The following MACROD2 variants were observed in gnomAD, a reference collection of about 807,000 sequenced individuals.
MACROD2 encodes ADP-ribose glycohydrolase MACROD2.
In MACROD2, 36 loss-of-function variants were observed where a neutral mutation model predicts 70.4. The observed-to-expected ratio is 0.51, with a 90% CI of 0.39 to 0.68. The LOEUF is 0.68. MACROD2 is among the 30% of genes least tolerant of loss of function. The pLI is 0.00. For synonymous variants in MACROD2, 172 were observed against 178.8 expected, an observed-to-expected ratio of 0.96 and a Z score of 0.30; for missense variants, 496 against 538.4, an observed-to-expected ratio of 0.92 and a Z score of 0.78.
chr20:16,031,040 A>G (rs2067144719), intron 15 of MACROD2, among the ~76,000 whole-genome samples: 1 of 152,170 alleles, frequency 6.6e-6, no homozygotes, highest in African/African-American at 2.4e-5. Flanking sequence ...TTAGAAGAAT[A>G]CATAGTTAAA....
intron 8 of MACROD2, among the ~76,000 whole-genome samples, chr20:15,502,788 T>A (rs1177463901): frequency 6.6e-6 from 1 of 152,150 alleles, no homozygotes; most frequent in Non-Finnish European, 1.5e-5. Flanking sequence ...TACCCCCAAA[T>A]CTTGGTATCA....
At chr20:15,276,931 G>A (rs1003641065) in intron 6 of MACROD2, among the ~76,000 whole-genome samples, 4 of 152,174 alleles carry the variant, frequency 2.6e-5, no homozygotes, top group Admixed American at 6.5e-5. Context: ...TGCTGATATT[G>A]CTTCTTGTAA....
At chr20:14,834,256 T>G (rs1440675909) in intron 5 of MACROD2, among the ~76,000 whole-genome samples, 1 of 149,390 alleles carries the variant, frequency 6.7e-6, no homozygotes, top group East Asian at 1.9e-4. Context: ...CTAGTATGGT[T>G]TTTTTTTTTT....
intron 4 of MACROD2, among the ~76,000 whole-genome samples, chr20:14,672,379 A>G (rs566031404): frequency 2.1e-4 from 32 of 152,314 alleles, no homozygotes; most frequent in African/African-American, 7.2e-4. Flanking sequence ...AGGCCTCTTG[A>G]GACTTAGGAC....
chr20:14,023,028 A>G (rs1446647726), intron 2 of MACROD2, among the ~76,000 whole-genome samples: 1 of 151,700 alleles, frequency 6.6e-6, no homozygotes, highest in Admixed American at 6.6e-5. Context: ...TCCACAATGT[A>G]AAAGTCTTCC....
At chr20:14,658,453 G>A (rs1986077421) in intron 4 of MACROD2, among the ~76,000 whole-genome samples, 2 of 152,154 alleles carry the variant, frequency 1.3e-5, no homozygotes, top group South Asian at 2.1e-4. Flanking sequence ...CAGAGGAACT[G>A]TACTCTTAAA....
At chr20:15,986,930 A>T in intron 14 of MACROD2, 129 bp downstream of exon 14, 1 of 1,018,952 alleles carries the variant, frequency 9.8e-7, no homozygotes, top group Non-Finnish European at 1.5e-6. Flanking sequence ...GGATAGCAAT[A>T]GTGTTCAACT....
chr20:14,310,730 T>G (rs778243523), intron 3 of MACROD2, among the ~76,000 whole-genome samples: 1 of 152,172 alleles, frequency 6.6e-6, no homozygotes, highest in Non-Finnish European at 1.5e-5. Flanking sequence ...TCATGCATGT[T>G]ATTTAGTGGG....
At chr20:14,012,776 C>T (rs2052931070) in intron 2 of MACROD2, among the ~76,000 whole-genome samples, 1 of 152,190 alleles carries the variant, frequency 6.6e-6, no homozygotes, top group Non-Finnish European at 1.5e-5. Context: ...ATTGGAGAGA[C>T]AGACTGTTTA....
chr20:15,466,260 A>G (rs530145802), intron 7 of MACROD2, among the ~76,000 whole-genome samples: 1 of 152,304 alleles, frequency 6.6e-6, no homozygotes, highest in African/African-American at 2.4e-5. Context: ...GCTTTGATCT[A>G]TTTAGCTCAT....
intron 4 of MACROD2, among the ~76,000 whole-genome samples, chr20:14,531,106 G>A (rs568938134): frequency 2.6e-5 from 4 of 152,186 alleles, no homozygotes; most frequent in Admixed American, 2.6e-4. Flanking sequence ...AGGGAAGGTA[G>A]GAGGAGGAGG....
At chr20:14,526,453 C>T (rs2085233877) in intron 4 of MACROD2, among the ~76,000 whole-genome samples, 1 of 152,160 alleles carries the variant, frequency 6.6e-6, no homozygotes, top group African/African-American at 2.4e-5. Flanking sequence ...TTACATTCCG[C>T]TCATTCACAC....
intron 6 of MACROD2, among the ~76,000 whole-genome samples, chr20:15,357,798 CT>C (rs200860242): frequency 0.023 from 3,085 of 133,330 alleles, 54 homozygotes; most frequent in African/African-American, 0.084. Context: ...TTCATTCATT[CT>C]TTTTTTTTTT....
intron 10 of MACROD2, among the ~76,000 whole-genome samples, chr20:15,918,086 T>C (rs2065346540): frequency 6.6e-6 from 1 of 152,196 alleles, no homozygotes; most frequent in Admixed American, 6.5e-5. Context: ...ATGAATCAGG[T>C]ATAAACCTCG....
intron 3 of MACROD2, among the ~76,000 whole-genome samples, chr20:14,363,142 C>G (rs1847199974): frequency 1.3e-5 from 2 of 152,162 alleles, no homozygotes. Flanking sequence ...AACTCTCACT[C>G]TATATTTTAT....
intron 9 of MACROD2, among the ~76,000 whole-genome samples, chr20:15,867,016 G>A (rs975813101): frequency 1.3e-5 from 2 of 152,140 alleles, no homozygotes; most frequent in Non-Finnish European, 2.9e-5. Flanking sequence ...TATTCTGGAG[G>A]CTAGAAGCCC....
At chr20:15,454,108 G>A (rs1244723676) in intron 7 of MACROD2, among the ~76,000 whole-genome samples, 1 of 152,120 alleles carries the variant, frequency 6.6e-6, no homozygotes, top group Non-Finnish European at 1.5e-5. Context: ...GAGGCTGTGA[G>A]CTTCAGAGGA....
At chr20:15,664,652 C>T (rs1235408736) in intron 8 of MACROD2, among the ~76,000 whole-genome samples, 1 of 152,192 alleles carries the variant, frequency 6.6e-6, no homozygotes, top group Non-Finnish European at 1.5e-5. Context: ...GTCTGATCCT[C>T]ATATGCTTGG....
intron 8 of MACROD2, among the ~76,000 whole-genome samples, chr20:15,501,353 G>A (rs2047362577): frequency 6.6e-6 from 1 of 152,202 alleles, no homozygotes; most frequent in Admixed American, 6.5e-5. Context: ...ACTGGAGGAA[G>A]TTTTCATGCA....
Sources: gnomAD v4.1 joint callset for allele counts (sites outside exome capture counted in the v4.1 genomes callset) on GRCh38, gnomAD v4.1.1 for gene constraint, MANE v1.5 for transcripts, NCBI Gene and HGNC (gene_info 2026-07-23, HGNC 2026-07-21) for gene names.